The following MEPE variants were observed in gnomAD, a reference collection of about 807,000 sequenced individuals.
The protein encoded by MEPE is matrix, extracellular phosphoglycoprotein with ASARM motif (bone).
MEPE carries 7 observed loss-of-function variants against 7.3 expected under a neutral mutation model. The observed-to-expected ratio is 0.95, with a 90% CI of 0.54 to 1.79. The LOEUF (loss-of-function observed/expected upper bound fraction) is 1.79, where lower values mean the gene tolerates loss of function less well. Among genes scored for constraint, MEPE ranks in the 40% most tolerant of loss-of-function variants. The probability of loss-of-function intolerance (pLI) is 0.00; values close to 1 mark genes in which losing one functional copy is unlikely to be tolerated. For missense variants in MEPE, 623 were observed against 628.2 expected (o/e 0.99, Z 0.09); for synonymous variants, 214 against 213.1 (o/e 1.00, Z -0.04).
intron 2 of MEPE, among the ~76,000 whole-genome samples, chr4:87,836,151 C>A (rs1348197702): frequency 6.6e-6 from 1 of 152,044 alleles, no homozygotes; most frequent in Non-Finnish European, 1.5e-5. Flanking sequence ...ATATAGATGC[C>A]ATTTTAGTAA....
At chr4:87,825,956 C>T (rs1430381199) in intron 1 of MEPE, among the ~76,000 whole-genome samples, 1 of 152,158 alleles carries the variant, frequency 6.6e-6, no homozygotes, top group East Asian at 1.9e-4. Context: ...TCTGTTCCTG[C>T]ATTGGTTTGC....
intron 1 of MEPE, among the ~76,000 whole-genome samples, chr4:87,824,548 T>C (rs976905702): frequency 4.6e-5 from 7 of 152,206 alleles, no homozygotes; most frequent in Admixed American, 3.3e-4. Context: ...CATGACTGTG[T>C]TCCAATAAAA....
chr4:87,844,061 C>T (rs376741100), intron 3 of MEPE, among the ~76,000 whole-genome samples: 140 of 152,238 alleles, frequency 9.2e-4, no homozygotes, highest in South Asian at 6.8e-3. Flanking sequence ...TAGACTTCTC[C>T]CTGTTTGAGT....
rs1723273284 is a variant in MEPE, at chr4:87,846,461, C to T, written c.*15C>T. 6.2e-7 allele frequency: 1 copy of T among 1,602,018 alleles called. No homozygotes were observed. The highest frequency in any genetic ancestry group is 8.5e-7 in the Non-Finnish European group (1 of 1,174,302). On this transcript the variant is annotated 3_prime_UTR_variant, in exon 4 of 4. Coordinates refer to ENST00000361056, the MANE Select transcript of MEPE (RefSeq NM_020203.6). ...ATGGTGACTAGTCCACCAGGAGTTC[C>T]CAGCGGGGTGACAGTCTGAAGACCT...
intron 3 of MEPE, among the ~76,000 whole-genome samples, chr4:87,841,892 T>A (rs1279232439): frequency 2.0e-5 from 3 of 152,178 alleles, no homozygotes; most frequent in African/African-American, 7.2e-5. Context: ...CCGTTGTGTA[T>A]CCAGTAATTA....
At chr4:87,830,071 G>C (rs756129550), upstream of MEPE, among the ~76,000 whole-genome samples, 37 of 152,100 alleles carry the variant, frequency 2.4e-4, 1 homozygote, top group Non-Finnish European at 4.4e-5. Context: ...TATTTCCACT[G>C]TCAATGACAA....
intron 2 of MEPE, among the ~76,000 whole-genome samples, chr4:87,836,226 T>A (rs1722784248): frequency 6.6e-6 from 1 of 152,150 alleles, no homozygotes; most frequent in African/African-American, 2.4e-5. Context: ...GCCACTTGCA[T>A]ACGTCTTAGA....
At chr4:87,825,884 G>A (rs780709198) in intron 1 of MEPE, among the ~76,000 whole-genome samples, 1 of 152,106 alleles carries the variant, frequency 6.6e-6, no homozygotes, top group Non-Finnish European at 1.5e-5. Context: ...TCCCCTCCCT[G>A]TGTCCATGTG....
rs1723281766 is a variant in MEPE at position 87,846,606 on chromosome 4, T to C, written c.*160T>C. ...TCTCCTTGGGGGAATTTTTGCTATCTTAATAGTCACAGTATAAAATTCTAT... is the reference window on the plus strand; with the variant it reads ...TCTCCTTGGGGGAATTTTTGCTATCCTAATAGTCACAGTATAAAATTCTAT... On this transcript the variant is annotated 3_prime_UTR_variant, in exon 4 of 4. Transcript: ENST00000361056. 1 of 709,478 alleles carries C rather than the reference T, an allele frequency of 1.4e-6. No homozygotes were observed. The allele number at this position is 709,478 out of a possible 1,614,324, so 43.9% of individuals were successfully genotyped here. A position where few individuals can be genotyped will look rare whatever the true frequency, so the allele number is the denominator to read the frequency against.
upstream of MEPE, among the ~76,000 whole-genome samples, chr4:87,829,441 A>G (rs1358642333): frequency 2.6e-5 from 4 of 152,110 alleles, no homozygotes; most frequent in East Asian, 1.9e-4. Flanking sequence ...CCATCACTCA[A>G]ATGAAAGGGA....
chr4:87,834,617 T>C, intron 1 of MEPE, 86 bp from the exon 2 acceptor site: 2 of 1,008,808 alleles, frequency 2.0e-6, no homozygotes, highest in Non-Finnish European at 3.0e-6. Flanking sequence ...AGGGTGTTTA[T>C]ATATTCCTAT....
intron 2 of MEPE, among the ~76,000 whole-genome samples, chr4:87,836,741 T>TA (rs1177904236): frequency 1.3e-5 from 2 of 152,226 alleles, no homozygotes; most frequent in East Asian, 3.8e-4. Context: ...AAATTTATTA[T>TA]TTTAACCCTG....
At chr4:87,823,494 T>A (rs1313302340) in intron 1 of MEPE, among the ~76,000 whole-genome samples, 1 of 152,236 alleles carries the variant, frequency 6.6e-6, no homozygotes, top group African/African-American at 2.4e-5. Context: ...TTGGCCATGT[T>A]GATTTTCTAC....
chr4:87,845,263 C>A lies in MEPE; in HGVS notation c.395C>A (p.Ala132Asp). The A allele has an allele frequency of 6.2e-7, 1 of 1,613,950 alleles. No individual in the cohort carries two copies. The highest frequency in any genetic ancestry group is 8.5e-7 in the Non-Finnish European group (1 of 1,179,938). ...GNKGFEDGDD[A>D]ISKLHDQEEY... ...AAAGGGTTTGAGGATGGAGATGATG[C>A]TATCAGCAAACTACATGACCAAGAA... is the stretch of plus-strand genomic sequence containing the variant. Residue 132 changes from alanine to aspartate, a missense_variant, in exon 4 of 4, where the codon GCT becomes GAT. Transcript: ENST00000361056.
upstream of MEPE, among the ~76,000 whole-genome samples, chr4:87,830,669 A>T (rs1560535087): frequency 6.6e-6 from 1 of 152,156 alleles, no homozygotes; most frequent in East Asian, 1.9e-4. Flanking sequence ...TATGTACAAC[A>T]AACCCCAGGG....
intron 3 of MEPE, among the ~76,000 whole-genome samples, chr4:87,840,611 G>A (rs940853391): frequency 2.0e-5 from 3 of 152,050 alleles, no homozygotes; most frequent in African/African-American, 7.2e-5. Flanking sequence ...TTCTCTCCAG[G>A]ATCTTAGAGT....
At chr4:87,837,923 T>A (rs1722862190) in intron 2 of MEPE, 1 of 152,172 alleles carries the variant, frequency 6.6e-6, no homozygotes, top group South Asian at 2.1e-4. Context: ...CGAGGTCTGT[T>A]CTTTCTTCAT....
chr4:87,845,412 G>A lies in MEPE; in HGVS notation c.544G>A (p.Ala182Thr), dbSNP rs1189363546. 3 of 1,613,942 alleles carry A rather than the reference G, an allele frequency of 1.9e-6. No individual in the cohort carries two copies. The highest frequency in any genetic ancestry group is 2.5e-6 in the Non-Finnish European group (3 of 1,179,966). Reference sequence around the variant, plus strand: ...TAGGAATGTTCTAAACATAATCCCAGCAAGTATGAATTATGCTAAAGCACA... The same window carrying A: ...TAGGAATGTTCTAAACATAATCCCAACAAGTATGAATTATGCTAAAGCACA... ...TPRNVLNIIP[A>T]SMNYAKAHSK... Residue 182 changes from alanine (A) to threonine (T), a missense_variant, in exon 4 of 4, where the codon GCA (alanine) becomes ACA (threonine). Ala to Thr is a moderately conservative substitution (Grantham distance 58). Coordinates refer to ENST00000361056, the MANE Select transcript of MEPE (RefSeq NM_020203.6).
Position 87,845,004 on chromosome 4 carries a change from G to C in MEPE, c.136G>C (p.Gly46Arg). 6.3e-7 allele frequency: 1 copy of C among 1,579,138 alleles called. No homozygotes were observed. Among genetic ancestry groups the C allele is most frequent in the Non-Finnish European group, 8.6e-7 (1 of 1,167,510 alleles). ...GGAAGAAAAAAACAAAGACAATATT[G>C]GTTTTCACCATTTGGGCAAGAGAAT... ...RQEEKNKDNI[G>R]FHHLGKRINQ... The change falls in exon 4 of 4, where the codon GGT becomes CGT. Residue 46 changes from glycine to arginine, a missense_variant. Coordinates refer to ENST00000361056, the MANE Select transcript of MEPE (RefSeq NM_020203.6).
Sources: allele counts gnomAD v4.1 joint callset (sites outside exome capture counted in the v4.1 genomes callset), GRCh38; gene constraint gnomAD v4.1.1; transcripts MANE v1.5; gene names NCBI Gene and HGNC (gene_info 2026-07-23, HGNC 2026-07-21).